Variants in RAB4B observed in about 807,000 individuals in gnomAD.
RAB4B encodes the protein RAB4B, member RAS oncogene family.
RAB4B carries 15 observed loss-of-function variants against 28.3 expected under a neutral mutation model. The ratio of observed to expected loss-of-function variants is 0.53; its 90% CI spans 0.35 to 0.82. The LOEUF (loss-of-function observed/expected upper bound fraction) is 0.82. RAB4B is among the 40% of genes least tolerant of loss of function. RAB4B has a pLI of 0.01. For missense variants in RAB4B, 244 were observed against 288.5 expected, an observed-to-expected ratio of 0.85 and a Z score of 1.12; for synonymous variants, 108 against 116.3, an observed-to-expected ratio of 0.93 and a Z score of 0.46.
Position 40,783,760 on chromosome 19 carries a change from G to T in RAB4B, c.213-18G>T. 1 of 1,540,924 alleles carries T rather than the reference G, an allele frequency of 6.5e-7. No individual in the cohort carries two copies. Among genetic ancestry groups the T allele is most frequent in the Non-Finnish European group, 8.8e-7 (1 of 1,141,544 alleles). On this transcript the variant is annotated intron_variant, in intron 3 of 7. Coordinates refer to ENST00000357052, the MANE Select transcript of RAB4B (RefSeq NM_016154.5). ...AGACCCCAGCCTTGGGGGTGACTGG[G>T]TCCCCCTGGCCCCACAGGTCAGTGA...
chr19:40,786,692 T>C lies in RAB4B; in HGVS notation c.458T>C (p.Leu153Pro), dbSNP rs778787860. The C allele has an allele frequency of 3.1e-6, 5 of 1,613,920 alleles. No homozygotes were observed. Among genetic ancestry groups the C allele is most frequent in the Non-Finnish European group, 4.2e-6 (5 of 1,179,984 alleles). The change falls in exon 6 of 8, where the codon CTC becomes CCC. Residue 153 changes from leucine to proline, a missense_variant. Physicochemically the swap from Leu to Pro is moderately conservative, Grantham distance 98. Coordinates refer to ENST00000357052, the MANE Select transcript of RAB4B (RefSeq NM_016154.5). ...CTGATGTTCCTGGAGACCAGCGCTC[T>C]CACAGGCGAGAACGTGGAGGAGGCG... Reference protein sequence around the residue: ...NELMFLETSALTGENVEEAFL... With the variant: ...NELMFLETSAPTGENVEEAFL...
At chr19:40,793,565 CTTTTTTGTTT>C (rs2083178718) in intron 7 of RAB4B, among the ~76,000 whole-genome samples, 1 of 123,838 alleles carries the variant, frequency 8.1e-6, no homozygotes, top group African/African-American at 2.9e-5. Flanking sequence ...CTTTTCTTTT[CTTTTTTGTTT>C]TTTTTTTTTT....
chr19:40,789,204 A>G lies in RAB4B; in HGVS notation c.*15+2226A>G, dbSNP rs113737224. On this transcript the variant is annotated intron_variant, in intron 7 of 7. Coordinates refer to ENST00000357052, the MANE Select transcript of RAB4B (RefSeq NM_016154.5). ...AGCCACTGCGCCCGGCCAAGAATGT[A>G]CTTTTTTTTTTTTCTGAGATGGAGT... Among the ~76,000 whole-genome samples the G allele has an allele frequency of 8.6e-3, 1,268 of 148,030 alleles. 11 individuals are homozygous for G. Among genetic ancestry groups the G allele is most frequent in the Non-Finnish European group, 0.015 (1,010 of 66,788 alleles).
At chr19:40,794,143 C>T (rs1035659231) in intron 7 of RAB4B, among the ~76,000 whole-genome samples, 60 of 151,582 alleles carry the variant, frequency 4.0e-4, no homozygotes, top group African/African-American at 1.3e-3. Flanking sequence ...GGTGTGGTCT[C>T]GGCTCACTGA....
chr19:40,780,318 G>A, intron 2 of RAB4B, 67 bp from the exon 3 acceptor site: 2 of 1,492,228 alleles, frequency 1.3e-6, no homozygotes, highest in South Asian at 2.5e-5. Flanking sequence ...GGGCCTTGGA[G>A]GATGGGGGAT....
chr19:40,796,936 ACACCT>A lies in RAB4B; in HGVS notation c.*383_*387del, dbSNP rs891433619. On this transcript the variant is annotated 3_prime_UTR_variant, in exon 8 of 8. Coordinates refer to ENST00000357052, the MANE Select transcript of RAB4B (RefSeq NM_016154.5). The stretch of plus-strand genomic sequence containing the variant: ...ACCCTACCCCCATAAAGCATTGTTT[ACACCT>A]GTGTCTTGGCCTCCATTATTGTGAG... 1.3e-5 allele frequency: 2 copies of A among 152,706 alleles called. No individual in the cohort carries two copies. The highest frequency in any genetic ancestry group is 2.9e-5 in the Non-Finnish European group (2 of 68,146). 9.5% of individuals were successfully genotyped at this position (152,706 alleles called of 1,614,324 possible). A position where few individuals can be genotyped will look rare whatever the true frequency, so the allele number is the denominator to read the frequency against.
Position 40,784,028 on chromosome 19 carries a change from A to G in RAB4B, c.383A>G (p.Glu128Gly). ...LCGNKKDLDP[E>G]REVTFLEASR... ...GGCAACAAGAAGGACCTGGACCCTG[A>G]GCGGGAGGTCACTTTCCTGGAGGCC... Residue 128 changes from glutamate to glycine, a missense_variant, in exon 5 of 8, where the codon GAG (glutamate) becomes GGG (glycine). Coordinates refer to ENST00000357052, the MANE Select transcript of RAB4B (RefSeq NM_016154.5). 1 of 1,613,922 alleles carries G rather than the reference A, an allele frequency of 6.2e-7. No individual in the cohort carries two copies. Among genetic ancestry groups the G allele is most frequent in the Non-Finnish European group, 8.5e-7 (1 of 1,179,850 alleles).
intron 7 of RAB4B, among the ~76,000 whole-genome samples, chr19:40,794,224 G>A (rs1336647366): frequency 1.3e-5 from 2 of 149,834 alleles, no homozygotes; most frequent in Non-Finnish European, 3.0e-5. Context: ...ACAGGCGCCC[G>A]CCACCACGCC....
intron 7 of RAB4B, among the ~76,000 whole-genome samples, chr19:40,787,399 G>C (rs925844583): frequency 6.6e-6 from 1 of 152,132 alleles, no homozygotes; most frequent in African/African-American, 2.4e-5. Context: ...GCTGGGCGTG[G>C]TGGCAGGTGC....
chr19:40,785,752 G>A (rs1421324982), intron 5 of RAB4B: 1 of 152,412 alleles, frequency 6.6e-6, no homozygotes, highest in Admixed American at 6.5e-5. Context: ...GTCCTAGATG[G>A]TGCTAGAGAC....
intron 3 of RAB4B, among the ~76,000 whole-genome samples, chr19:40,781,481 G>C (rs1311499062): frequency 1.3e-5 from 2 of 151,998 alleles, no homozygotes; most frequent in Non-Finnish European, 2.9e-5. Context: ...GAGAGCCACA[G>C]AGATGGAACA....
At chr19:40,781,992 G>A (rs2083052906) in intron 3 of RAB4B, among the ~76,000 whole-genome samples, 1 of 143,734 alleles carries the variant, frequency 7.0e-6, no homozygotes. Flanking sequence ...CTGCACTCCA[G>A]CCTGGGCGAC....
chr19:40,783,147 CAA>C (rs1168587843), intron 3 of RAB4B, among the ~76,000 whole-genome samples: 394 of 35,624 alleles, frequency 0.011, 1 homozygote, highest in African/African-American at 0.03. Context: ...GATTCCTACT[CAA>C]AAAAAAAAAA....
Position 40,780,144 on chromosome 19 carries a change from G to A in RAB4B, c.97+45G>A, listed in dbSNP as rs771253407. On this transcript the variant is annotated intron_variant, in intron 2 of 7. Coordinates refer to ENST00000357052, the MANE Select transcript of RAB4B (RefSeq NM_016154.5). Reference sequence around the variant, plus strand: ...CCTGGGAACCCTGAGCTGTGTTTATGCGCATGGTGTGGGCTGGTGGGCAGC... The same window carrying A: ...CCTGGGAACCCTGAGCTGTGTTTATACGCATGGTGTGGGCTGGTGGGCAGC... 3.7e-6 allele frequency: 6 copies of A among 1,608,466 alleles called. No individual in the cohort carries two copies. In the South Asian group the frequency reaches 6.6e-5, roughly 18 times the overall value.
At chr19:40,779,127 G>A (rs2083023786) in intron 1 of RAB4B, 2 of 642,758 alleles carry the variant, frequency 3.1e-6, no homozygotes, top group South Asian at 6.9e-5. Flanking sequence ...ATGAGTCAGA[G>A]GGTGGTAGGA....
At chr19:40,787,822 C>T (rs548336578) in intron 7 of RAB4B, among the ~76,000 whole-genome samples, 1 of 151,850 alleles carries the variant, frequency 6.6e-6, no homozygotes, top group East Asian at 1.9e-4. Flanking sequence ...ATTAGCCAGG[C>T]ATGGTGGTAC....
rs554502797 is a variant in RAB4B at position 40,783,247 on chromosome 19, C to CCTAGCA, written c.213-530_213-525dup. On this transcript the variant is annotated intron_variant, in intron 3 of 7. Transcript: ENST00000357052. ...AGGAGTTGGAGACCAGCCTCGGCAACCTAGCAAAGCCCCATCTTTACAAAA... is the reference window on the plus strand; with the variant it reads ...AGGAGTTGGAGACCAGCCTCGGCAACCTAGCACTAGCAAAGCCCCATCTTTACAAAA... 1.6e-3 allele frequency among the ~76,000 whole-genome samples: 236 copies of CCTAGCA among 150,222 alleles called. 1 individual carries two copies. Among genetic ancestry groups the CCTAGCA allele is most frequent in the African/African-American group, 5.6e-3 (228 of 40,864 alleles).
rs1599744316 is a variant in RAB4B at position 40,786,573 on chromosome 19, A to G, written c.431-92A>G. 3.8e-6 allele frequency: 6 copies of G among 1,566,032 alleles called. No individual in the cohort carries two copies. The East Asian group carries it at 9.5e-5, about 25-fold the overall frequency. ...AGGTGAGGGTAAGGGGGGATGGAACATTGGAGGAACAGGATGAGAGTCAGC... is the reference window on the plus strand; with the variant it reads ...AGGTGAGGGTAAGGGGGGATGGAACGTTGGAGGAACAGGATGAGAGTCAGC... On this transcript the variant is annotated intron_variant, in intron 5 of 7. Transcript: ENST00000357052.
chr19:40,780,814 C>T (rs1274807392), intron 3 of RAB4B, among the ~76,000 whole-genome samples: 8 of 151,518 alleles, frequency 5.3e-5, no homozygotes, highest in Non-Finnish European at 1.2e-4. Flanking sequence ...AGTGAGACCC[C>T]ATCTCAAAGA....
Sources: gnomAD v4.1 joint callset for allele counts (sites outside exome capture counted in the v4.1 genomes callset) on GRCh38, gnomAD v4.1.1 for gene constraint, MANE v1.5 for transcripts, NCBI Gene and HGNC (gene_info 2026-07-23, HGNC 2026-07-21) for gene names.